TTF2: variants seen among roughly 807,000 people sequenced by gnomAD.
The protein encoded by TTF2 is RNA polymerase II termination factor.
In TTF2, 108 loss-of-function variants were observed where a neutral mutation model predicts 142.4. The observed-to-expected ratio is 0.76, with a 90% CI of 0.65 to 0.89. The LOEUF is 0.89. Among genes scored for constraint, TTF2 ranks in the 40% least tolerant of loss-of-function variants. The probability of loss-of-function intolerance (pLI) is 0.00; values close to 1 mark genes in which losing one functional copy is unlikely to be tolerated. For missense variants in TTF2, 1,327 were observed against 1,379.8 expected (o/e 0.96, Z 0.61); for synonymous variants, 483 against 506.2 (o/e 0.95, Z 0.61).
chr1:117,087,039 T>C lies in TTF2; in HGVS notation c.2160+517T>C, dbSNP rs1648078965. Among the ~76,000 whole-genome samples the C allele has an allele frequency of 6.6e-6, 1 of 152,148 alleles. No homozygotes were observed. The highest frequency in any genetic ancestry group is 1.5e-5 in the Non-Finnish European group (1 of 68,018). ...TCTAGGGTGTCCAGGGCAGCCTCAG[T>C]TATGTGATGTAGAGGCTTTATCATG... On this transcript the variant is annotated intron_variant, in intron 12 of 22. Coordinates refer to ENST00000369466, the MANE Select transcript of TTF2 (RefSeq NM_003594.4). This position sits in a 1 kb window ranked among gnomAD's most constrained non-coding sequence, Gnocchi z 4.8.
rs1023322033 is a variant in TTF2, at chr1:117,104,213, A to G, written c.*2689A>G. On this transcript the variant is annotated 3_prime_UTR_variant, in exon 23 of 23. Coordinates refer to ENST00000369466, the MANE Select transcript of TTF2 (RefSeq NM_003594.4). ...ACCTGGCTCTGCCATTTGCTGATTG[A>G]TATTAGGCAAGTTGCAGATTCCTTG... is the stretch of plus-strand genomic sequence containing the variant. The G allele has an allele frequency of 6.6e-6, 1 of 152,344 alleles. No homozygotes were observed. The highest frequency in any genetic ancestry group is 3.4e-3 in the Middle Eastern group (1 of 294). The allele number at this position is 152,344 out of a possible 1,614,324, so 9.4% of individuals were successfully genotyped here.
At chr1:117,088,048 A>G (rs1405007794) in intron 12 of TTF2, among the ~76,000 whole-genome samples, 1 of 152,172 alleles carries the variant, frequency 6.6e-6, no homozygotes, top group African/African-American at 2.4e-5. Flanking sequence ...CTCCCCTGCT[A>G]GATTTTGAGC....
chr1:117,099,890 A>G lies in TTF2; in HGVS notation c.3344+983A>G, dbSNP rs867587302. 1.3e-5 allele frequency among the ~76,000 whole-genome samples: 2 copies of G among 152,194 alleles called. No homozygotes were observed. Among genetic ancestry groups the G allele is most frequent in the Non-Finnish European group, 2.9e-5 (2 of 68,034 alleles). ...ATATAGTGATTATGATAGTCTTCCT[A>G]TGCTCTCTTCTCTGCTCATTCTGTA... On this transcript the variant is annotated intron_variant, in intron 22 of 22. Transcript: ENST00000369466. The surrounding 1 kb of genome is among the most constrained non-coding windows in gnomAD (Gnocchi z 4.3).
At position 117,079,628 on chromosome 1, in the gene TTF2, A is replaced by G; in HGVS notation, c.1762A>G (p.Lys588Glu). 1 of 1,614,272 alleles carries G rather than the reference A, an allele frequency of 6.2e-7. No individual in the cohort carries two copies. The highest frequency in any genetic ancestry group is 8.5e-7 in the Non-Finnish European group (1 of 1,180,042). The stretch of plus-strand genomic sequence containing the variant: ...TTGGTTACTATGGCGAGAAAGTCAG[A>G]AGCCACAAGGAGGAATTCTGGGTAA... ...LAWLLWRESQ[K>E]PQGGILADDM... The change falls in exon 9 of 23, where the codon AAG (lysine) becomes GAG (glutamate). Residue 588 changes from lysine (K) to glutamate (E), a missense_variant. Coordinates refer to ENST00000369466, the MANE Select transcript of TTF2 (RefSeq NM_003594.4). This position sits in a 1 kb window ranked among gnomAD's most constrained non-coding sequence, Gnocchi z 4.2.
chr1:117,089,946 G>A (rs1050053063), intron 13 of TTF2, 109 bp from the exon 14 acceptor site: 1 of 1,263,510 alleles, frequency 7.9e-7, no homozygotes, highest in South Asian at 1.5e-5. Context: ...TTGGATGACA[G>A]GTGTAACAGA....
chr1:117,064,003 C>T (rs1655888399), intron 3 of TTF2, among the ~76,000 whole-genome samples: 2 of 152,210 alleles, frequency 1.3e-5, no homozygotes, highest in Admixed American at 6.5e-5. Flanking sequence ...ACCATACCCC[C>T]TTCCCTCCCT....
At chr1:117,077,827 A>AGGCCC in intron 7 of TTF2, 89 bp from the exon 8 acceptor site, 8 of 1,540,250 alleles carry the variant, frequency 5.2e-6, no homozygotes, top group Non-Finnish European at 7.1e-6. Context: ...TAAGAAACAG[A>AGGCCC]TACAGGGCCA....
At chr1:117,078,082 A>AGT in intron 8 of TTF2, 39 bp downstream of exon 8, 1 of 1,597,330 alleles carries the variant, frequency 6.3e-7, no homozygotes, top group Non-Finnish European at 8.6e-7. Context: ...CCTCTATGAC[A>AGT]GTGCTCCAGC....
chr1:117,079,486 G>A lies in TTF2; in HGVS notation c.1702-82G>A. ...AGGGAATCATTTGTAGAAAATAGGAGAGTGTAGAGTTCGTGTAGCCAGGCT... is the reference window on the plus strand; with the variant it reads ...AGGGAATCATTTGTAGAAAATAGGAAAGTGTAGAGTTCGTGTAGCCAGGCT... On this transcript the variant is annotated intron_variant, in intron 8 of 22. Coordinates refer to ENST00000369466, the MANE Select transcript of TTF2 (RefSeq NM_003594.4). This position sits in a 1 kb window ranked among gnomAD's most constrained non-coding sequence, Gnocchi z 4.2. 1 of 1,252,808 alleles carries A rather than the reference G, an allele frequency of 8.0e-7. No individual in the cohort carries two copies. The allele number at this position is 1,252,808 out of a possible 1,614,324, so 77.6% of individuals were successfully genotyped here.
In TTF2 at chr1:117,087,914, A is replaced by G. The variant is rs917825077; in HGVS notation, c.2161-887A>G. 6.6e-6 allele frequency among the ~76,000 whole-genome samples: 1 copy of G among 152,202 alleles called. No homozygotes were observed. Among genetic ancestry groups the G allele is most frequent in the African/African-American group, 2.4e-5 (1 of 41,442 alleles). ...CACTTTGTTTCTTCAGCAGACGTTG[A>G]GTATCCACTATGGGTCAGGTGCTGT... is the stretch of plus-strand genomic sequence containing the variant. On this transcript the variant is annotated intron_variant, in intron 12 of 22. Transcript: ENST00000369466. The surrounding 1 kb of genome is among the most constrained non-coding windows in gnomAD (Gnocchi z 4.8).
intron 3 of TTF2, among the ~76,000 whole-genome samples, chr1:117,064,041 A>G (rs1368954888): frequency 1.3e-5 from 2 of 152,098 alleles, no homozygotes; most frequent in Admixed American, 6.5e-5. Context: ...GGCAATCAGG[A>G]ATTTGCTTTT....
In TTF2 at chr1:117,107,453, A is replaced by G. The variant is rs964598433; in HGVS notation, c.*5929A>G. 2.0e-5 allele frequency: 3 copies of G among 152,216 alleles called. No homozygotes were observed. The highest frequency in any genetic ancestry group is 2.9e-5 in the Non-Finnish European group (2 of 68,034). The allele number at this position is 152,216 out of a possible 1,614,324, so 9.4% of individuals were successfully genotyped here. The stretch of plus-strand genomic sequence containing the variant: ...ATAAATGGTAAGCTTTTTGTTCTCA[A>G]TTCTGAAATCAGATTCATTAAAAGG... On this transcript the variant is annotated 3_prime_UTR_variant, in exon 23 of 23. Coordinates refer to ENST00000369466, the MANE Select transcript of TTF2 (RefSeq NM_003594.4).
chr1:117,102,658 C>T lies in TTF2; in HGVS notation c.*1134C>T, dbSNP rs1353103894. The T allele has an allele frequency of 6.6e-6, 1 of 151,984 alleles. No individual in the cohort carries two copies. Among genetic ancestry groups the T allele is most frequent in the East Asian group, 1.9e-4 (1 of 5,192 alleles). 9.4% of individuals were successfully genotyped at this position (151,984 alleles called of 1,614,324 possible). A position where few individuals can be genotyped will look rare whatever the true frequency, so the allele number is the denominator to read the frequency against. The stretch of plus-strand genomic sequence containing the variant: ...TAGTATTTGTATTTTTACAAATTTG[C>T]AGTATTTGTAGCATTTAGTATCATT... On this transcript the variant is annotated 3_prime_UTR_variant, in exon 23 of 23. Coordinates refer to ENST00000369466, the MANE Select transcript of TTF2 (RefSeq NM_003594.4).
chr1:117,094,651 A>G lies in TTF2; in HGVS notation c.2977-658A>G, dbSNP rs751674745. On this transcript the variant is annotated intron_variant, in intron 18 of 22. Coordinates refer to ENST00000369466, the MANE Select transcript of TTF2 (RefSeq NM_003594.4). ...TTTCTTCTTCAGCAAACATTAGGAG[A>G]GTATCTTCTCTGTTTTGGCCATGTG... The G allele has an allele frequency of 1.9e-5, 9 of 484,576 alleles. No individual in the cohort carries two copies. In the East Asian group the frequency reaches 5.6e-4, roughly 30 times the overall value. 30.0% of individuals were successfully genotyped at this position (484,576 alleles called of 1,614,324 possible). A position where few individuals can be genotyped will look rare whatever the true frequency, so the allele number is the denominator to read the frequency against.
In TTF2 at chr1:117,077,960, A is replaced by G; in HGVS notation, c.1618A>G (p.Ser540Gly). Residue 540 changes from serine to glycine, a missense_variant, in exon 8 of 23, where the codon AGT becomes GGT. By Grantham distance (56) the Ser-to-Gly change is moderately conservative. Transcript: ENST00000369466. ...DHVHAVWKITSEAIGQLHRSL... is the reference protein window; with the variant it reads ...DHVHAVWKITGEAIGQLHRSL... ...CGTTCATGCAGTGTGGAAAATCACA[A>G]GTGAAGCCATCGGTCAACTGCATCG... 1 of 1,614,204 alleles carries G rather than the reference A, an allele frequency of 6.2e-7. No homozygotes were observed. Among genetic ancestry groups the G allele is most frequent in the Non-Finnish European group, 8.5e-7 (1 of 1,180,032 alleles).
At chr1:117,091,260 GCAGGCACAGTT>G in intron 15 of TTF2, 57 bp from the exon 16 acceptor site, 2 of 1,350,342 alleles carry the variant, frequency 1.5e-6, no homozygotes, top group Non-Finnish European at 2.0e-6. Context: ...AGATCCCACT[GCAGGCACAGTT>G]AAGCAGGTCT....
At chr1:117,074,311 GT>G (rs1402225457) in intron 4 of TTF2, among the ~76,000 whole-genome samples, 1 of 152,120 alleles carries the variant, frequency 6.6e-6, no homozygotes, top group African/African-American at 2.4e-5. Flanking sequence ...TAAGAGAATA[GT>G]TTTTTTCCTG....
rs1647911390 is a variant in TTF2 at position 117,085,343 on chromosome 1, C to T, written c.2055-1074C>T. On this transcript the variant is annotated intron_variant, in intron 11 of 22. Coordinates refer to ENST00000369466, the MANE Select transcript of TTF2 (RefSeq NM_003594.4). The surrounding 1 kb of genome is among the most constrained non-coding windows in gnomAD (Gnocchi z 4.7). ...CCGAGGCAGGCAGATCACTTGAGCT[C>T]AGGAGTTCGAGACCAGCCTAGGCAA... Among the ~76,000 whole-genome samples the T allele has an allele frequency of 6.6e-6, 1 of 152,136 alleles. No individual in the cohort carries two copies. The highest frequency in any genetic ancestry group is 1.5e-5 in the Non-Finnish European group (1 of 68,018).
chr1:117,067,524 C>CAA (rs1161287519), intron 3 of TTF2, among the ~76,000 whole-genome samples: 410 of 40,062 alleles, frequency 0.01, 8 homozygotes, highest in East Asian at 0.03. Flanking sequence ...GACTCAGTCT[C>CAA]AAAAAAAAAA....
Sources: gnomAD v4.1 joint callset for allele counts (sites outside exome capture counted in the v4.1 genomes callset) on GRCh38, gnomAD v4.1.1 for gene constraint, Gnocchi (gnomAD v3.1) non-coding constraint, MANE v1.5 for transcripts, NCBI Gene and HGNC (gene_info 2026-07-23, HGNC 2026-07-21) for gene names.